The following SGCD variants were observed in gnomAD, a reference collection of about 807,000 sequenced individuals.
SGCD encodes the protein sarcoglycan delta, also known as delta-sarcoglycan.
SGCD carries 18 observed loss-of-function variants against 36.6 expected under a neutral mutation model. That is an observed-to-expected ratio of 0.49 (90% CI 0.34 to 0.73). SGCD has a LOEUF of 0.73. Ranked by LOEUF, SGCD falls within the 30% of genes least tolerant of loss-of-function variation. SGCD has a pLI of 0.01. For missense variants in SGCD, 387 were observed against 346.7 expected (o/e 1.12, Z -0.92); for synonymous variants, 133 against 130.6 (o/e 1.02, Z -0.12).
chr5:156,195,224 G>A (rs1763993140), intron 3 of SGCD, among the ~76,000 whole-genome samples: 2 of 152,152 alleles, frequency 1.3e-5, no homozygotes, highest in African/African-American at 4.8e-5. Context: ...AACCATTACT[G>A]TGTTCAAAGA....
intron 7 of SGCD, among the ~76,000 whole-genome samples, chr5:156,755,936 G>A (rs1581536118): frequency 6.6e-6 from 1 of 152,270 alleles, no homozygotes; most frequent in East Asian, 1.9e-4. Context: ...TGGCATTTGT[G>A]CAATGTGGCT....
chr5:155,861,816 T>A, the SGCD span, among the ~76,000 whole-genome samples: 7 of 152,330 alleles, frequency 4.6e-5, no homozygotes, highest in South Asian at 1.5e-3. Flanking sequence ...GGGGAAAAGA[T>A]CTGAGAACTA....
chr5:156,333,774 A>G (rs1399047188), intron 2 of SGCD, among the ~76,000 whole-genome samples: 1 of 87,120 alleles, frequency 1.1e-5, no homozygotes, highest in Non-Finnish European at 2.4e-5. Context: ...TCTTTATGTT[A>G]GAAAAGTGAT....
the SGCD span, among the ~76,000 whole-genome samples, chr5:155,743,002 G>A: frequency 3.3e-5 from 5 of 152,188 alleles, no homozygotes; most frequent in South Asian, 6.2e-4. Context: ...GTTTGGTTGG[G>A]GGCACGGAGC....
intron 1 of SGCD, among the ~76,000 whole-genome samples, chr5:155,910,572 C>T (rs1561647008): frequency 6.6e-6 from 1 of 151,956 alleles, no homozygotes; most frequent in Non-Finnish European, 1.5e-5. Flanking sequence ...AAAAAAATAT[C>T]CACAGAGGGC....
the SGCD span, among the ~76,000 whole-genome samples, chr5:155,762,656 A>G: frequency 6.6e-6 from 1 of 152,190 alleles, no homozygotes; most frequent in African/African-American, 2.4e-5. Flanking sequence ...GTACAAGGTC[A>G]CCCAGCAGCT....
At chr5:156,463,310 G>A (rs1450949982) in intron 3 of SGCD, among the ~76,000 whole-genome samples, 13 of 152,028 alleles carry the variant, frequency 8.6e-5, no homozygotes, top group Admixed American at 2.0e-4. Flanking sequence ...CCCAAGTGCT[G>A]GGATTACAGA....
chr5:155,792,930 C>A, the SGCD span, among the ~76,000 whole-genome samples: 1 of 152,132 alleles, frequency 6.6e-6, no homozygotes, highest in Non-Finnish European at 1.5e-5. Context: ...ATAAATGGTT[C>A]TACCAAAAAG....
chr5:155,953,924 T>G (rs1177776134), intron 1 of SGCD, among the ~76,000 whole-genome samples: 1 of 152,224 alleles, frequency 6.6e-6, no homozygotes, highest in Non-Finnish European at 1.5e-5. Flanking sequence ...TACTGAGAAT[T>G]TAATGTGTCC....
intron 1 of SGCD, among the ~76,000 whole-genome samples, chr5:156,019,465 A>G (rs1759053403): frequency 6.6e-6 from 1 of 152,116 alleles, no homozygotes; most frequent in African/African-American, 2.4e-5. Flanking sequence ...CCTTCCTTTC[A>G]TTTAGCAGGC....
intron 4 of SGCD, among the ~76,000 whole-genome samples, chr5:156,525,792 TGCATGTG>T: frequency 6.6e-6 from 1 of 152,148 alleles, no homozygotes; most frequent in Non-Finnish European, 1.5e-5. Flanking sequence ...TTCATTTTTG[TGCATGTG>T]GCTATCCTGT....
chr5:156,072,364 G>A (rs1336526135), intron 1 of SGCD, among the ~76,000 whole-genome samples: 1 of 152,026 alleles, frequency 6.6e-6, no homozygotes, highest in South Asian at 2.1e-4. Flanking sequence ...TGTCTGTAAA[G>A]TATTTTATTT....
At chr5:156,168,434 G>A (rs550632747) in intron 3 of SGCD, among the ~76,000 whole-genome samples, 1 of 152,194 alleles carries the variant, frequency 6.6e-6, no homozygotes, top group Admixed American at 6.5e-5. Flanking sequence ...AGTTACTTGG[G>A]TGTAGTGGTG....
chr5:156,352,256 CT>C (rs1769297933), intron 3 of SGCD, among the ~76,000 whole-genome samples: 1 of 152,192 alleles, frequency 6.6e-6, no homozygotes. Flanking sequence ...TATCCCAGTA[CT>C]TGTAAAATTA....
the SGCD span, among the ~76,000 whole-genome samples, chr5:155,861,388 T>C: frequency 6.6e-6 from 1 of 152,110 alleles, no homozygotes; most frequent in Non-Finnish European, 1.5e-5. Flanking sequence ...GGGTGCTGTT[T>C]TTTGTTCTTG....
At chr5:155,834,137 C>T in the SGCD span, among the ~76,000 whole-genome samples, 1 of 152,144 alleles carries the variant, frequency 6.6e-6, no homozygotes, top group Non-Finnish European at 1.5e-5. Flanking sequence ...ATTAATGTCA[C>T]TTGCTTTATT....
intron 1 of SGCD, among the ~76,000 whole-genome samples, chr5:155,941,919 T>C (rs1757334294): frequency 6.6e-6 from 1 of 152,150 alleles, no homozygotes; most frequent in Non-Finnish European, 1.5e-5. Context: ...TGGGATAAAA[T>C]GTAGCAGAAG....
At chr5:155,746,590 CTCTTG>C in the SGCD span, among the ~76,000 whole-genome samples, 295 of 152,238 alleles carry the variant, frequency 1.9e-3, 1 homozygote, top group African/African-American at 6.6e-3. Context: ...AAGTTCCTGT[CTCTTG>C]TCTTAAGTCT....
chr5:155,741,486 T>C, the SGCD span, among the ~76,000 whole-genome samples: 1 of 152,152 alleles, frequency 6.6e-6, no homozygotes, highest in Non-Finnish European at 1.5e-5. Context: ...TGTGATGCTA[T>C]ACTAAAGTCA....
Sources: gnomAD v4.1 joint callset for allele counts (sites outside exome capture counted in the v4.1 genomes callset) on GRCh38, gnomAD v4.1.1 for gene constraint, MANE v1.5 for transcripts, NCBI Gene and HGNC (gene_info 2026-07-23, HGNC 2026-07-21) for gene names.